Variants in KCNJ15 observed in about 807,000 individuals in gnomAD.
KCNJ15 encodes ATP-sensitive inward rectifier potassium channel 15.
A neutral mutation model predicts 23.0 loss-of-function variants in KCNJ15; 14 were observed. The observed-to-expected ratio is 0.61, with a 90% CI of 0.40 to 0.95. The LOEUF (loss-of-function observed/expected upper bound fraction) is 0.95. Ranked by LOEUF, KCNJ15 falls within the 40% of genes least tolerant of loss-of-function variation. KCNJ15 has a pLI of 0.00. For missense variants in KCNJ15, 388 were observed against 461.8 expected (o/e 0.84, Z 1.46); for synonymous variants, 185 against 183.2 (o/e 1.01, Z -0.08).
At chr21:38,270,768 GC>G (rs1364897383) in intron 1 of KCNJ15, among the ~76,000 whole-genome samples, 3 of 152,200 alleles carry the variant, frequency 2.0e-5, no homozygotes, top group Non-Finnish European at 4.4e-5. Context: ...TTTGACCAGA[GC>G]AGTGTATTTA....
intron 1 of KCNJ15, among the ~76,000 whole-genome samples, chr21:38,281,855 C>T (rs1983380493): frequency 6.6e-6 from 1 of 152,112 alleles, no homozygotes; most frequent in Non-Finnish European, 1.5e-5. Flanking sequence ...GACTGCTTTC[C>T]ACAGTGGCTG....
Position 38,237,285 on chromosome 21 carries a change from C to T in KCNJ15, c.-398-19761C>T, listed in dbSNP as rs193052627. 142 of 152,390 alleles carry T rather than the reference C, an allele frequency of 9.3e-4. 1 individual carries two copies. The highest frequency in any genetic ancestry group is 5.8e-4 in the East Asian group (3 of 5,188). 9.4% of individuals were successfully genotyped at this position (152,390 alleles called of 1,614,324 possible). On this transcript the variant is annotated intron_variant, in intron 1 of 4. Transcript: ENST00000547341. ...AGCTTTAGAATCCAGAGAAGAGAGA[C>T]TGGCTTGGCGTTTATTGTGGGTAGA... is the stretch of plus-strand genomic sequence containing the variant.
chr21:38,238,311 C>T (rs1488627633), intron 1 of KCNJ15: 2 of 714,742 alleles, frequency 2.8e-6, no homozygotes, highest in Non-Finnish European at 5.3e-6. Context: ...ACGCAGTGGC[C>T]TGGTCTTCCT....
chr21:38,236,126 C>T (rs1406440206), intron 1 of KCNJ15, among the ~76,000 whole-genome samples: 24 of 152,156 alleles, frequency 1.6e-4, no homozygotes, highest in Admixed American at 1.6e-3. Context: ...CTCTGCATCC[C>T]AACCCCTCTG....
At chr21:38,267,033 A>G (rs553532130) in intron 1 of KCNJ15, among the ~76,000 whole-genome samples, 10 of 152,326 alleles carry the variant, frequency 6.6e-5, no homozygotes, top group East Asian at 3.9e-4. Context: ...GGGTATTTTG[A>G]GAGACTGAGT....
At chr21:38,277,626 G>A (rs967683738) in intron 1 of KCNJ15, among the ~76,000 whole-genome samples, 8 of 152,112 alleles carry the variant, frequency 5.3e-5, no homozygotes, top group Admixed American at 6.5e-5. Context: ...CTGCAAGAGC[G>A]AGTGCAGCTT....
chr21:38,302,975 A>G lies in KCNJ15; in HGVS notation c.*2586A>G, dbSNP rs1985903858. 1 of 152,198 alleles carries G rather than the reference A, an allele frequency of 6.6e-6. No homozygotes were observed. The allele number at this position is 152,198 out of a possible 1,614,324, so 9.4% of individuals were successfully genotyped here. On this transcript the variant is annotated 3_prime_UTR_variant, in exon 3 of 3. Transcript: ENST00000398938. ...AATTGGAAATTTAATTCAAATAAAA[A>G]TCAAACAAAATAGTTGTTTCAATTT...
At chr21:38,295,429 G>T (rs1273406000) in intron 1 of KCNJ15, among the ~76,000 whole-genome samples, 2 of 152,178 alleles carry the variant, frequency 1.3e-5, no homozygotes, top group East Asian at 3.9e-4. Context: ...GTTCTGTTTA[G>T]AAATAACTCC....
At position 38,299,738 on chromosome 21, in the gene KCNJ15, C is replaced by T. The variant is rs1366296352; in HGVS notation, c.477C>T (p.Phe159=). The change falls in exon 3 of 3, where the codon TTC becomes TTT. Residue 159 remains phenylalanine (F), a synonymous_variant. Coordinates refer to ENST00000398938, the MANE Select transcript of KCNJ15 (RefSeq NM_170736.3). This position sits in a 1 kb window ranked among gnomAD's most constrained non-coding sequence, Gnocchi z 4.5. The stretch of plus-strand genomic sequence containing the variant: ...TCATCACGACCTTGATTGAGATCTT[C>T]ATCACCGGAACCTTCCTGGCCAAAA... The part of the protein sequence containing the change: ...QLVITTLIEI[F]ITGTFLAKIA... 44 of 1,614,000 alleles carry T rather than the reference C, an allele frequency of 2.7e-5. No individual in the cohort carries two copies. Among genetic ancestry groups the T allele is most frequent in the Non-Finnish European group, 3.6e-5 (42 of 1,180,046 alleles).
intron 1 of KCNJ15, among the ~76,000 whole-genome samples, chr21:38,295,941 C>T (rs1985106900): frequency 6.6e-6 from 1 of 152,114 alleles, no homozygotes; most frequent in Non-Finnish European, 1.5e-5. Context: ...AGGATCCAGC[C>T]TGTAAGAGGA....
At chr21:38,241,260 T>C (rs1027626362) in intron 1 of KCNJ15, among the ~76,000 whole-genome samples, 1 of 152,160 alleles carries the variant, frequency 6.6e-6, no homozygotes, top group African/African-American at 2.4e-5. Flanking sequence ...TTTTTCTTTT[T>C]CTTCCTGATA....
chr21:38,263,519 A>G (rs910327132), intron 1 of KCNJ15, among the ~76,000 whole-genome samples: 2 of 152,234 alleles, frequency 1.3e-5, no homozygotes, highest in African/African-American at 4.8e-5. Context: ...GAAGTTCTGC[A>G]GCAAAGACGT....
At chr21:38,231,931 T>C (rs1366154886) in intron 1 of KCNJ15, among the ~76,000 whole-genome samples, 1 of 151,906 alleles carries the variant, frequency 6.6e-6, no homozygotes. Context: ...GGTTTTCTTG[T>C]GATATCTTTT....
At chr21:38,293,813 A>G (rs1002593638) in intron 1 of KCNJ15, among the ~76,000 whole-genome samples, 4 of 152,230 alleles carry the variant, frequency 2.6e-5, no homozygotes, top group African/African-American at 9.6e-5. Context: ...CTGAGAATCC[A>G]CTTTGTCCAC....
At chr21:38,259,374 G>T (rs925075931) in intron 1 of KCNJ15, among the ~76,000 whole-genome samples, 1 of 152,164 alleles carries the variant, frequency 6.6e-6, no homozygotes, top group Non-Finnish European at 1.5e-5. Flanking sequence ...GGGAATGCTT[G>T]TTGAAGGCAT....
At chr21:38,287,124 G>A (rs1314436134) in intron 1 of KCNJ15, among the ~76,000 whole-genome samples, 1 of 152,128 alleles carries the variant, frequency 6.6e-6, no homozygotes, top group Non-Finnish European at 1.5e-5. Flanking sequence ...GAGAAGGCAG[G>A]CATGTGTCTC....
upstream of KCNJ15, among the ~76,000 whole-genome samples, chr21:38,254,948 T>A (rs1980088381): frequency 6.6e-6 from 1 of 152,246 alleles, no homozygotes. Flanking sequence ...GTCTTCCATA[T>A]GTAATCTTTT....
At chr21:38,280,981 G>A (rs1380293838) in intron 1 of KCNJ15, among the ~76,000 whole-genome samples, 1 of 152,160 alleles carries the variant, frequency 6.6e-6, no homozygotes, top group East Asian at 1.9e-4. Context: ...TCCAGATGAG[G>A]AACAGTGGCT....
chr21:38,289,721 A>G (rs1295492795), intron 1 of KCNJ15, among the ~76,000 whole-genome samples: 1 of 152,192 alleles, frequency 6.6e-6, no homozygotes, highest in Non-Finnish European at 1.5e-5. Context: ...CGACAGAGAC[A>G]GACTCCATCT....
Sources: allele counts gnomAD v4.1 joint callset (sites outside exome capture counted in the v4.1 genomes callset), GRCh38; gene constraint gnomAD v4.1.1; non-coding constraint Gnocchi (gnomAD v3.1); transcripts MANE v1.5; gene names NCBI Gene and HGNC (gene_info 2026-07-23, HGNC 2026-07-21).